Variants in USP32 observed in about 807,000 individuals in gnomAD.
The protein encoded by USP32 is ubiquitin carboxyl-terminal hydrolase 32.
A neutral mutation model predicts 204.8 loss-of-function variants in USP32; 59 were observed. The ratio of observed to expected loss-of-function variants is 0.29; its 90% CI spans 0.23 to 0.36. The LOEUF (loss-of-function observed/expected upper bound fraction) is 0.36. USP32 is among the 10% of genes least tolerant of loss of function. USP32 has a pLI of 1.00. For synonymous variants in USP32, 517 were observed against 678.4 expected (o/e 0.76, Z 3.70); for missense variants, 1,160 against 1,946.4 (o/e 0.60, Z 7.60).
intron 11 of USP32, among the ~76,000 whole-genome samples, chr17:60,241,751 A>G (rs879451172): frequency 6.6e-6 from 1 of 152,210 alleles, no homozygotes; most frequent in Non-Finnish European, 1.5e-5. Flanking sequence ...ACAGTCCTTT[A>G]TATATTCTGG....
intron 2 of USP32, 50 bp downstream of exon 2, chr17:60,345,431 G>T: frequency 1.2e-6 from 2 of 1,603,202 alleles, no homozygotes; most frequent in Non-Finnish European, 1.7e-6. Context: ...AATTTAGGCT[G>T]GTGGAGGTGG....
intron 12 of USP32, among the ~76,000 whole-genome samples, chr17:60,228,501 CT>C (rs1018176786): frequency 5.7e-3 from 591 of 104,020 alleles, no homozygotes; most frequent in East Asian, 0.015. Flanking sequence ...TTTTCTTTTT[CT>C]TTTTTTTTTT....
At position 60,334,859 on chromosome 17, in the gene USP32, C is replaced by T. The variant is rs564248919; in HGVS notation, c.186+10622G>A. On this transcript the variant is annotated intron_variant, in intron 2 of 33. Coordinates refer to ENST00000300896, the MANE Select transcript of USP32 (RefSeq NM_032582.4). ...ATATATATACAGAGATGGGGTTTCA[C>T]CATGTTGGTCAGACTGGTCTCAAAC... is the stretch of plus-strand genomic sequence containing the variant. 2.8e-5 allele frequency among the ~76,000 whole-genome samples: 4 copies of T among 143,220 alleles called. No homozygotes were observed. The South Asian group carries it at 8.5e-4, about 30-fold the overall frequency. 94.0% of individuals were successfully genotyped at this position (143,220 alleles called of 152,430 possible).
intron 32 of USP32, 134 bp downstream of exon 32, chr17:60,181,190 G>A (rs1035474947): frequency 2.5e-6 from 3 of 1,216,898 alleles, no homozygotes; most frequent in Non-Finnish European, 3.4e-6. Context: ...AGATTTCTGT[G>A]TTAACTTTGT....
intron 21 of USP32, among the ~76,000 whole-genome samples, 193 bp from the exon 22 acceptor site, chr17:60,209,736 A>T (rs2084912203): frequency 6.6e-6 from 1 of 152,186 alleles, no homozygotes; most frequent in African/African-American, 2.4e-5. Flanking sequence ...CCCCCCAAAA[A>T]AAGAGAAGTA....
chr17:60,364,814 T>C (rs1212840731), intron 1 of USP32, among the ~76,000 whole-genome samples: 3 of 152,380 alleles, frequency 2.0e-5, no homozygotes, highest in African/African-American at 7.2e-5. Flanking sequence ...AATTCCATTG[T>C]TCACTAATGT....
At chr17:60,379,801 CTA>C (rs969608942) in intron 1 of USP32, among the ~76,000 whole-genome samples, 42 of 152,248 alleles carry the variant, frequency 2.8e-4, no homozygotes, top group Admixed American at 6.5e-4. Context: ...TAAGAAATAA[CTA>C]TTGATTTTTA....
At chr17:60,220,522 G>GTAT (rs1177837968) in intron 15 of USP32, among the ~76,000 whole-genome samples, 1 of 152,138 alleles carries the variant, frequency 6.6e-6, no homozygotes, top group Non-Finnish European at 1.5e-5. Flanking sequence ...GGATTTTTAA[G>GTAT]TAGTTTTAAC....
At chr17:60,364,703 T>A (rs1246749610) in intron 1 of USP32, among the ~76,000 whole-genome samples, 2 of 152,330 alleles carry the variant, frequency 1.3e-5, no homozygotes, top group East Asian at 3.9e-4. Context: ...TTAACATTCA[T>A]GAATTTACAA....
intron 28 of USP32, among the ~76,000 whole-genome samples, chr17:60,192,397 A>C (rs2084408532): frequency 6.6e-6 from 1 of 152,232 alleles, no homozygotes; most frequent in Non-Finnish European, 1.5e-5. Context: ...AAACCAGCTA[A>C]ATCTCAAAAG....
chr17:60,406,030 A>T (rs1391186237), intron 1 of USP32, among the ~76,000 whole-genome samples: 1 of 151,478 alleles, frequency 6.6e-6, no homozygotes, highest in African/African-American at 2.4e-5. Flanking sequence ...ACTGGTGCAC[A>T]CCTGTATTCT....
intron 2 of USP32, among the ~76,000 whole-genome samples, chr17:60,331,956 A>G (rs986851999): frequency 6.6e-6 from 1 of 150,638 alleles, no homozygotes; most frequent in African/African-American, 2.4e-5. Context: ...AAAGTATACA[A>G]TTGAGGTCAG....
At chr17:60,291,772 A>T (rs187295864) in intron 4 of USP32, among the ~76,000 whole-genome samples, 65 of 152,284 alleles carry the variant, frequency 4.3e-4, no homozygotes, top group Non-Finnish European at 7.5e-4. Flanking sequence ...AGAGGTATCT[A>T]ATAGTTCAAA....
intron 4 of USP32, among the ~76,000 whole-genome samples, chr17:60,290,822 G>A (rs1284020852): frequency 1.3e-5 from 2 of 152,030 alleles, no homozygotes; most frequent in African/African-American, 4.8e-5. Context: ...TTAAAGTTGA[G>A]CTGATTACCA....
chr17:60,218,514 G>A (rs2085162559), intron 16 of USP32, among the ~76,000 whole-genome samples: 1 of 152,134 alleles, frequency 6.6e-6, no homozygotes, highest in Non-Finnish European at 1.5e-5. Context: ...GGGTTTAGAG[G>A]TAGTTCTTGC....
intron 1 of USP32, among the ~76,000 whole-genome samples, chr17:60,400,046 C>A (rs976497143): frequency 3.1e-4 from 47 of 150,978 alleles, no homozygotes; most frequent in Admixed American, 2.0e-3. Context: ...CTCACTGCAA[C>A]CTCCACCTCC....
At chr17:60,267,901 C>T (rs2145776210) in intron 7 of USP32, among the ~76,000 whole-genome samples, 1 of 152,192 alleles carries the variant, frequency 6.6e-6, no homozygotes, top group South Asian at 2.1e-4. Flanking sequence ...ACCTCCACCT[C>T]CCAGGTTCAA....
rs539829517 is a variant in USP32 at position 60,183,337 on chromosome 17, C to T, written c.3951G>A (p.Pro1317=). The T allele has an allele frequency of 7.4e-6, 12 of 1,613,956 alleles. No individual in the cohort carries two copies. Among genetic ancestry groups the T allele is most frequent in the South Asian group, 6.6e-5 (6 of 91,070 alleles). Residue 1317 remains proline, a synonymous_variant, in exon 31 of 34, where the codon CCG becomes CCA. Transcript: ENST00000300896. Reference sequence around the variant, plus strand: ...TGAGTGGTTTATGCTGGCAGAGAGCCGGGTCTCTTGGTACCAAAAAAGCAC... The same window carrying T: ...TGAGTGGTTTATGCTGGCAGAGAGCTGGGTCTCTTGGTACCAAAAAAGCAC... ...DPSAFLVPRD[P]ALCQHKPLTP... is the part of the protein sequence containing the mutation.
chr17:60,336,058 A>T (rs1033498918), intron 2 of USP32, among the ~76,000 whole-genome samples: 3 of 143,068 alleles, frequency 2.1e-5, no homozygotes, highest in Admixed American at 1.4e-4. Context: ...TGAAATAAGT[A>T]ATTATACATA....
Sources: allele counts gnomAD v4.1 joint callset (sites outside exome capture counted in the v4.1 genomes callset), GRCh38; gene constraint gnomAD v4.1.1; transcripts MANE v1.5; gene names NCBI Gene and HGNC (gene_info 2026-07-23, HGNC 2026-07-21).